The following TAF4B variants were observed in gnomAD, a reference collection of about 807,000 sequenced individuals.
The protein encoded by TAF4B is TATA-box binding protein associated factor 4b.
Under a neutral mutation model 86.4 loss-of-function variants are expected in TAF4B, and 38 were observed. The observed-to-expected ratio is 0.44, with a 90% CI of 0.34 to 0.58. The LOEUF is 0.58. TAF4B is among the 20% of genes least tolerant of loss of function. The pLI, the probability that TAF4B is intolerant of heterozygous loss-of-function variation, is 0.02. For synonymous variants in TAF4B, 388 were observed against 391.2 expected (o/e 0.99, Z 0.10); for missense variants, 988 against 1,027.6 (o/e 0.96, Z 0.53).
chr18:26,259,649 T>C (rs920738958), intron 1 of TAF4B, among the ~76,000 whole-genome samples: 1 of 152,242 alleles, frequency 6.6e-6, no homozygotes, highest in Non-Finnish European at 1.5e-5. Flanking sequence ...TTCCATAGTG[T>C]ATATGTGCCA....
chr18:26,255,419 C>A (rs1041158303), intron 1 of TAF4B, among the ~76,000 whole-genome samples: 1 of 151,840 alleles, frequency 6.6e-6, no homozygotes, highest in Non-Finnish European at 1.5e-5. Flanking sequence ...GCCTGGCCAA[C>A]GTGGTGAAAC....
chr18:26,244,585 A>G (rs998232650), intron 1 of TAF4B, among the ~76,000 whole-genome samples: 2 of 152,150 alleles, frequency 1.3e-5, no homozygotes, highest in African/African-American at 4.8e-5. Context: ...CCACTGTCCA[A>G]CAAGTCCCAG....
intron 13 of TAF4B, among the ~76,000 whole-genome samples, chr18:26,341,215 G>T (rs1410870777): frequency 1.3e-5 from 2 of 152,046 alleles, no homozygotes; most frequent in Admixed American, 1.3e-4. Flanking sequence ...ATATTTAAAT[G>T]AACTTAACGA....
chr18:26,259,242 C>T (rs2056129127), intron 1 of TAF4B, among the ~76,000 whole-genome samples: 1 of 148,046 alleles, frequency 6.8e-6, no homozygotes, highest in Non-Finnish European at 1.5e-5. Flanking sequence ...ATGTTGGTGT[C>T]TTTAATGGTG....
intron 13 of TAF4B, among the ~76,000 whole-genome samples, chr18:26,351,874 A>G (rs2057248650): frequency 6.6e-6 from 1 of 152,186 alleles, no homozygotes; most frequent in East Asian, 1.9e-4. Context: ...TGTAATATAT[A>G]AGACAACTAC....
chr18:26,339,446 C>T lies in TAF4B; in HGVS notation c.2316+4215C>T, dbSNP rs143118421. On this transcript the variant is annotated intron_variant, in intron 13 of 14. Coordinates refer to ENST00000269142, the MANE Select transcript of TAF4B (RefSeq NM_005640.3). ...GCTCAAGCGCTCCTCCTACCTCACC[C>T]TACCAAGTGGTTGGGACCACAGGCA... 1.5e-4 allele frequency among the ~76,000 whole-genome samples: 23 copies of T among 152,278 alleles called. 1 individual carries two copies. The East Asian group carries it at 4.4e-3, about 29-fold the overall frequency.
chr18:26,351,960 T>C (rs1029151147), intron 13 of TAF4B, among the ~76,000 whole-genome samples: 18 of 152,160 alleles, frequency 1.2e-4, no homozygotes, highest in African/African-American at 4.1e-4. Context: ...AAAATATTGA[T>C]GCTGAGCAGA....
intron 5 of TAF4B, among the ~76,000 whole-genome samples, chr18:26,280,834 AAAG>A (rs2056439526): frequency 6.6e-6 from 1 of 152,208 alleles, no homozygotes; most frequent in Non-Finnish European, 1.5e-5. Flanking sequence ...ATTCTATAAA[AAAG>A]ACATATGCAC....
chr18:26,305,017 T>TA, intron 9 of TAF4B: 1 of 480,992 alleles, frequency 2.1e-6, no homozygotes, highest in Non-Finnish European at 2.7e-6. Flanking sequence ...AGTTTTTTGT[T>TA]TAACTTGGAA....
intron 1 of TAF4B, among the ~76,000 whole-genome samples, chr18:26,239,289 G>A (rs991292311): frequency 3.2e-4 from 48 of 152,096 alleles, no homozygotes; most frequent in Non-Finnish European, 5.7e-4. Flanking sequence ...ATTCTAACTG[G>A]TGTGAGATGG....
intron 11 of TAF4B, among the ~76,000 whole-genome samples, chr18:26,323,518 C>A (rs2056979749): frequency 9.7e-6 from 1 of 103,412 alleles, no homozygotes; most frequent in Non-Finnish European, 1.9e-5. Flanking sequence ...TGCCACCACA[C>A]CCAACTAATT....
rs2056496143 is a variant in TAF4B, at chr18:26,285,210, C to CTTTCCT, written c.973-669_973-668insCCTTTT. On this transcript the variant is annotated intron_variant, in intron 6 of 14. Transcript: ENST00000269142. Reference sequence around the variant, plus strand: ...CTTTTAAAGACTATTTCTTCCTTTCCTTTTTTTTTTTGTTTTTTTTTTTTT... The same window carrying CTTTCCT: ...CTTTTAAAGACTATTTCTTCCTTTCCTTTCCTTTTTTTTTTTTGTTTTTTTTTTTTT... 6.3e-4 allele frequency among the ~76,000 whole-genome samples: 27 copies of CTTTCCT among 42,546 alleles called. 1 individual carries two copies. In the South Asian group the frequency reaches 0.016, roughly 25 times the overall value. 27.9% of individuals were successfully genotyped at this position (42,546 alleles called of 152,430 possible). A position where few individuals can be genotyped will look rare whatever the true frequency, so the allele number is the denominator to read the frequency against.
intron 9 of TAF4B, among the ~76,000 whole-genome samples, chr18:26,306,939 G>A (rs550450053): frequency 1.3e-5 from 2 of 151,970 alleles, no homozygotes; most frequent in South Asian, 2.1e-4. Context: ...CACCACACCC[G>A]GCTAATTTTT....
At chr18:26,295,147 A>G (rs549087697) in intron 9 of TAF4B, 1 of 282,098 alleles carries the variant, frequency 3.5e-6, no homozygotes, top group African/African-American at 2.3e-5. Context: ...TTTGTATAAA[A>G]TTTGTACCTT....
At chr18:26,285,567 C>T (rs6508430) in intron 6 of TAF4B, among the ~76,000 whole-genome samples, 140,737 of 152,140 alleles carry the variant, frequency 0.93, 65,488 homozygotes, top group East Asian at 0.99. Flanking sequence ...ACTGAAGTTA[C>T]TAATGATCTA....
intron 9 of TAF4B, among the ~76,000 whole-genome samples, chr18:26,307,477 A>C (rs182650512): frequency 1.3e-5 from 2 of 152,314 alleles, no homozygotes; most frequent in East Asian, 3.9e-4. Flanking sequence ...TTTCAACTGA[A>C]GATGTGATGA....
chr18:26,279,636 G>A (rs759733957), intron 5 of TAF4B, among the ~76,000 whole-genome samples: 9 of 150,678 alleles, frequency 6.0e-5, no homozygotes, highest in Non-Finnish European at 1.3e-4. Context: ...GATCCAAACA[G>A]CATGGCACTG....
At chr18:26,268,021 A>G (rs2056264194) in intron 3 of TAF4B, among the ~76,000 whole-genome samples, 1 of 152,172 alleles carries the variant, frequency 6.6e-6, no homozygotes, top group Admixed American at 6.5e-5. Context: ...TGGAGGATAT[A>G]TGGCCGGTCA....
chr18:26,275,345 G>T (rs558924989), intron 5 of TAF4B, among the ~76,000 whole-genome samples: 1 of 152,004 alleles, frequency 6.6e-6, no homozygotes, highest in Admixed American at 6.6e-5. Flanking sequence ...TAGTAGAGAC[G>T]GGGTTTTGCC....
Sources: allele counts gnomAD v4.1 joint callset (sites outside exome capture counted in the v4.1 genomes callset), GRCh38; gene constraint gnomAD v4.1.1; transcripts MANE v1.5; gene names NCBI Gene and HGNC (gene_info 2026-07-23, HGNC 2026-07-21).